Variants in TCOF1 observed in about 807,000 individuals in gnomAD.
TCOF1 encodes treacle protein.
A neutral mutation model predicts 149.0 loss-of-function variants in TCOF1; 33 were observed. That is an observed-to-expected ratio of 0.22 (90% CI 0.17 to 0.30). The LOEUF (loss-of-function observed/expected upper bound fraction) is 0.30. Among genes scored for constraint, TCOF1 ranks in the 10% least tolerant of loss-of-function variants. The pLI is 1.00. For synonymous variants in TCOF1, 789 were observed against 738.8 expected (o/e 1.07, Z -1.10); for missense variants, 1,728 against 1,840.7 (o/e 0.94, Z 1.12).
At chr5:150,359,361 C>A (rs1482489445) in intron 1 of TCOF1, among the ~76,000 whole-genome samples, 1 of 149,852 alleles carries the variant, frequency 6.7e-6, no homozygotes, top group Non-Finnish European at 1.5e-5. Flanking sequence ...AAAAAAAAAA[C>A]GTCCATAGTG....
rs1758917809 is a variant in TCOF1, at chr5:150,357,713, C to T, written c.-34C>T. 6.5e-7 allele frequency: 1 copy of T among 1,527,576 alleles called. No individual in the cohort carries two copies. Among genetic ancestry groups the T allele is most frequent in the Non-Finnish European group, 8.8e-7 (1 of 1,131,536 alleles). 94.6% of individuals were successfully genotyped at this position (1,527,576 alleles called of 1,614,324 possible). A position where few individuals can be genotyped will look rare whatever the true frequency, so the allele number is the denominator to read the frequency against. ...GTGGCGGGCGGGGACTAAGGCGGGGCGTGCAGGTAGCCGGCCGGCCGGGGG... is the reference window on the plus strand; with the variant it reads ...GTGGCGGGCGGGGACTAAGGCGGGGTGTGCAGGTAGCCGGCCGGCCGGGGG... On this transcript the variant is annotated 5_prime_UTR_variant, in exon 1 of 27. Transcript: ENST00000643257.
intron 17 of TCOF1, chr5:150,383,661 T>C: frequency 1.4e-6 from 2 of 1,449,714 alleles, no homozygotes; most frequent in Non-Finnish European, 1.9e-6. Context: ...CCCCAAATTC[T>C]CATGATTCAT....
Position 150,379,536 on chromosome 5 carries a change from A to G in TCOF1, c.2663A>G (p.Lys888Arg). Residue 888 changes from lysine to arginine, a missense_variant, in exon 17 of 27, where the codon AAG becomes AGG. By Grantham distance (26) the Lys-to-Arg change is conservative. This residue lies in a region of TCOF1 where 1,696 missense variants were observed against 1,765.4 expected (regional missense o/e 0.96). Coordinates refer to ENST00000643257, the MANE Select transcript of TCOF1 (RefSeq NM_001371623.1). ...EEEAETLAQVKPSGKTHQIRA... is the reference protein window; with the variant it reads ...EEEAETLAQVRPSGKTHQIRA... The stretch of plus-strand genomic sequence containing the variant: ...TCATCCTGTTTCTCCCTCCAGGTGA[A>G]GCCTTCAGGGAAGACCCACCAGATC... 1 of 1,614,164 alleles carries G rather than the reference A, an allele frequency of 6.2e-7. No individual in the cohort carries two copies. The highest frequency in any genetic ancestry group is 1.3e-5 in the African/African-American group (1 of 75,046).
chr5:150,386,671 T>G (rs996325094), intron 17 of TCOF1, among the ~76,000 whole-genome samples: 1 of 152,230 alleles, frequency 6.6e-6, no homozygotes, highest in African/African-American at 2.4e-5. Context: ...TCCCTCTTCC[T>G]GCCCTCCAGC....
chr5:150,384,911 C>G, intron 17 of TCOF1: 1 of 985,386 alleles, frequency 1.0e-6, no homozygotes, highest in Non-Finnish European at 1.2e-6. Flanking sequence ...GGGATTGAGG[C>G]CAGGGTGGTG....
chr5:150,359,809 T>G (rs1233557032), intron 1 of TCOF1, among the ~76,000 whole-genome samples: 1 of 152,156 alleles, frequency 6.6e-6, no homozygotes, highest in Non-Finnish European at 1.5e-5. Flanking sequence ...TGATATAGTA[T>G]ATCCAATGAT....
chr5:150,392,749 G>A lies in TCOF1; in HGVS notation c.3562G>A (p.Ala1188Thr), dbSNP rs371535526. The A allele has an allele frequency of 1.6e-5, 26 of 1,613,948 alleles. No individual in the cohort carries two copies. The highest frequency in any genetic ancestry group is 1.1e-4 in the South Asian group (10 of 91,090). The change falls in exon 22 of 27, where the codon GCA becomes ACA. Residue 1188 changes from alanine to threonine, a missense_variant. Ala to Thr is a moderately conservative substitution (Grantham distance 58). Around this residue, in one of 2 missense-constraint regions of TCOF1, gnomAD observed 1,696 missense variants for 1,765.4 expected, o/e 0.96. Coordinates refer to ENST00000643257, the MANE Select transcript of TCOF1 (RefSeq NM_001371623.1). The part of the protein sequence containing the change: ...SRTETLVEET[A>T]AESSEDDVVA... ...GACAGAGACCCTGGTGGAGGAGACC[G>A]CAGCAGAGTCCAGCGAGGATGATGT...
At chr5:150,389,020 C>G (rs189393648) in intron 18 of TCOF1, among the ~76,000 whole-genome samples, 114 of 152,228 alleles carry the variant, frequency 7.5e-4, no homozygotes, top group Middle Eastern at 3.4e-3. Flanking sequence ...GTAGGAAGAT[C>G]GCTTGAGCCC....
chr5:150,358,942 T>C (rs1759338767), intron 1 of TCOF1, among the ~76,000 whole-genome samples: 1 of 147,692 alleles, frequency 6.8e-6, no homozygotes, highest in Non-Finnish European at 1.5e-5. Flanking sequence ...CTGGAGAAAG[T>C]CCACTCTCTT....
At chr5:150,375,184 G>C (rs1763468266) in intron 10 of TCOF1, 21 bp downstream of exon 10, 1 of 1,612,954 alleles carries the variant, frequency 6.2e-7, no homozygotes, top group Non-Finnish European at 8.5e-7. Flanking sequence ...AAGCCGCCCT[G>C]CATGGCCTGT....
At position 150,377,337 on chromosome 5, in the gene TCOF1, GGTGA is replaced by G. The variant is rs539022801; in HGVS notation, c.2340+719_2340+722del. Among the ~76,000 whole-genome samples the G allele has an allele frequency of 4.8e-3, 731 of 152,218 alleles. 1 individual carries two copies. The highest frequency in any genetic ancestry group is 8.2e-3 in the Non-Finnish European group (555 of 68,014). ...CCTCACAGGTTTGGGTGAGAATTTA[GGTGA>G]GATCTCACCTGCTACACCCAGCAAG... On this transcript the variant is annotated intron_variant, in intron 14 of 26. Coordinates refer to ENST00000643257, the MANE Select transcript of TCOF1 (RefSeq NM_001371623.1).
At chr5:150,364,631 G>A (rs1760903009) in intron 3 of TCOF1, among the ~76,000 whole-genome samples, 1 of 152,206 alleles carries the variant, frequency 6.6e-6, no homozygotes, top group Admixed American at 6.5e-5. Flanking sequence ...GTGACCTGTG[G>A]GATGCTTTAG....
Position 150,375,766 on chromosome 5 carries a change from C to A in TCOF1, c.1750C>A (p.Pro584Thr), listed in dbSNP as rs1325176758. The A allele has an allele frequency of 1.9e-6, 3 of 1,614,258 alleles. No homozygotes were observed. The highest frequency in any genetic ancestry group is 3.3e-5 in the Admixed American group (2 of 60,032). ...CCTCCAGGCCAAACCCACCTCCAGT[C>A]CTGCCAAGGGGCCCCCTCAGAAGGC... ...NILQAKPTSSPAKGPPQKAGP... is the reference protein window; with the variant it reads ...NILQAKPTSSTAKGPPQKAGP... The change falls in exon 12 of 27, where the codon CCT becomes ACT. Residue 584 changes from proline (P) to threonine (T), a missense_variant. Physicochemically the swap from Pro to Thr is conservative, Grantham distance 38 (BLOSUM62 -1). Coordinates refer to ENST00000643257, the MANE Select transcript of TCOF1 (RefSeq NM_001371623.1).
chr5:150,361,715 C>T (rs887297655), intron 2 of TCOF1, among the ~76,000 whole-genome samples: 1 of 152,222 alleles, frequency 6.6e-6, no homozygotes, highest in African/African-American at 2.4e-5. Context: ...CCAGGGGAAG[C>T]TTCCCTGAGG....
intron 2 of TCOF1, among the ~76,000 whole-genome samples, chr5:150,362,921 A>T (rs1760484702): frequency 6.6e-6 from 1 of 152,216 alleles, no homozygotes; most frequent in Non-Finnish European, 1.5e-5. Context: ...AGCCTAGCCT[A>T]GCAATTCCCT....
intron 4 of TCOF1, 158 bp downstream of exon 4, chr5:150,368,075 C>T: frequency 7.1e-6 from 5 of 703,792 alleles, no homozygotes; most frequent in Non-Finnish European, 1.2e-5. Context: ...AGTCCCTTCA[C>T]CTCTCTGGGC....
intron 2 of TCOF1, among the ~76,000 whole-genome samples, chr5:150,362,651 G>A (rs556545747): frequency 5.3e-4 from 80 of 152,290 alleles, no homozygotes; most frequent in African/African-American, 1.9e-3. Flanking sequence ...CAAAAATGGT[G>A]TGGAAGGGAT....
intron 3 of TCOF1, among the ~76,000 whole-genome samples, chr5:150,366,061 A>G (rs146092612): frequency 0.019 from 2,935 of 151,598 alleles, 105 homozygotes; most frequent in African/African-American, 0.068. Flanking sequence ...GGTCAAGGCT[A>G]CAGTGAGCCA....
intron 24 of TCOF1, among the ~76,000 whole-genome samples, chr5:150,397,952 T>C (rs1768911153): frequency 6.6e-6 from 1 of 152,170 alleles, no homozygotes; most frequent in Non-Finnish European, 1.5e-5. Flanking sequence ...AGACAGGGTC[T>C]TGCTCTGTCA....
Sources: allele counts gnomAD v4.1 joint callset (sites outside exome capture counted in the v4.1 genomes callset), GRCh38; gene constraint gnomAD v4.1.1; regional missense constraint gnomAD v4.1.1; transcripts MANE v1.5; gene names NCBI Gene and HGNC (gene_info 2026-07-23, HGNC 2026-07-21).